Variants in LINGO2 observed in about 807,000 individuals in gnomAD.
LINGO2 encodes the protein leucine rich repeat and Ig domain containing 2.
A neutral mutation model predicts 30.6 loss-of-function variants in LINGO2; 14 were observed. That is an observed-to-expected ratio of 0.46 (90% CI 0.30 to 0.72). The LOEUF is 0.72. LINGO2 is among the 30% of genes least tolerant of loss of function. LINGO2 has a pLI of 0.07. For missense variants in LINGO2, 729 were observed against 751.7 expected (o/e 0.97, Z 0.35); for synonymous variants, 317 against 288.5 (o/e 1.10, Z -1.00).
At chr9:28,993,288 C>T in the LINGO2 span, among the ~76,000 whole-genome samples, 1 of 152,110 alleles carries the variant, frequency 6.6e-6, no homozygotes, top group South Asian at 2.1e-4. Flanking sequence ...AATTCCTCGA[C>T]ACATACACCC....
At chr9:28,707,743 T>G in the LINGO2 span, among the ~76,000 whole-genome samples, 1 of 152,006 alleles carries the variant, frequency 6.6e-6, no homozygotes, top group African/African-American at 2.4e-5. Flanking sequence ...TAGGGGGCTG[T>G]ATCAGTATTT....
chr9:28,896,868 T>C, the LINGO2 span, among the ~76,000 whole-genome samples: 1 of 152,138 alleles, frequency 6.6e-6, no homozygotes, highest in African/African-American at 2.4e-5. Flanking sequence ...ACATATCATC[T>C]ATAGAAACAA....
At chr9:29,158,773 T>TGA in the LINGO2 span, among the ~76,000 whole-genome samples, 27 of 150,950 alleles carry the variant, frequency 1.8e-4, no homozygotes, top group Admixed American at 1.1e-3. Context: ...TGTGTGTGTA[T>TGA]GAGAGAGAGA....
Position 28,102,700 on chromosome 9 carries a change from A to C in LINGO2, c.-86-90295T>G, listed in dbSNP as rs1486888815. ...GATAAATTGGGCATCCCAAACCATA[A>C]AGAGCCATACGAGTTTGATCCCTTT... On this transcript the variant is annotated intron_variant, in intron 4 of 5. Transcript: ENST00000379992. Among the ~76,000 whole-genome samples the C allele has an allele frequency of 2.6e-5, 4 of 152,262 alleles. No individual in the cohort carries two copies. In the East Asian group the frequency reaches 7.7e-4, roughly 29 times the overall value.
At chr9:28,747,577 C>T in the LINGO2 span, among the ~76,000 whole-genome samples, 1 of 152,034 alleles carries the variant, frequency 6.6e-6, no homozygotes, top group African/African-American at 2.4e-5. Flanking sequence ...TACTGTGGAG[C>T]CGGAGCTCAA....
chr9:27,949,518 G>A (rs767866594), exon 6 of LINGO2: 8 of 1,614,070 alleles, frequency 5.0e-6, no homozygotes, highest in Admixed American at 1.7e-5. Flanking sequence ...GATGGTGTCT[G>A]GGCCAGCACA....
intron 1 of LINGO2, among the ~76,000 whole-genome samples, chr9:28,604,065 C>A (rs1170719965): frequency 6.6e-6 from 1 of 151,992 alleles, no homozygotes; most frequent in African/African-American, 2.4e-5. Flanking sequence ...CATGCAAATT[C>A]TCTATGGCCT....
chr9:29,161,026 T>C, the LINGO2 span, among the ~76,000 whole-genome samples: 71 of 147,928 alleles, frequency 4.8e-4, no homozygotes, highest in African/African-American at 1.8e-3. Context: ...ACCAGCTTTG[T>C]CTGTCTTACA....
the LINGO2 span, among the ~76,000 whole-genome samples, chr9:28,834,821 G>A: frequency 6.8e-4 from 104 of 151,886 alleles, no homozygotes; most frequent in Non-Finnish European, 1.2e-3. Context: ...GAAGAATTTT[G>A]TTCCAACATA....
chr9:29,017,834 G>A, the LINGO2 span, among the ~76,000 whole-genome samples: 105,805 of 151,552 alleles, frequency 0.7, 37,741 homozygotes, highest in Non-Finnish European at 0.76. Context: ...AGACTGACAC[G>A]GAGAATTGCA....
the LINGO2 span, among the ~76,000 whole-genome samples, chr9:28,710,103 A>T: frequency 1.3e-5 from 2 of 151,474 alleles, no homozygotes; most frequent in Non-Finnish European, 2.9e-5. Context: ...CAATACCAAC[A>T]TTATGATATT....
chr9:27,962,474 C>T (rs1231517518), intron 5 of LINGO2, among the ~76,000 whole-genome samples: 1 of 152,032 alleles, frequency 6.6e-6, no homozygotes, highest in African/African-American at 2.4e-5. Flanking sequence ...TGAAGGACTG[C>T]CAAAAAGAAG....
chr9:28,178,512 CATTAAT>C (rs1828810581), intron 4 of LINGO2, among the ~76,000 whole-genome samples: 1 of 151,954 alleles, frequency 6.6e-6, no homozygotes, highest in African/African-American at 2.4e-5. Context: ...ATGCTATAAG[CATTAAT>C]ATTCATTACA....
At position 28,015,041 on chromosome 9, in the gene LINGO2, A is replaced by G. The variant is rs147169173; in HGVS notation, c.-86-2636T>C. Among the ~76,000 whole-genome samples the G allele has an allele frequency of 3.8e-3, 582 of 152,306 alleles. 5 individuals are homozygous for G. The highest frequency in any genetic ancestry group is 0.014 in the African/African-American group (562 of 41,580). On this transcript the variant is annotated intron_variant, in intron 4 of 5. Transcript: ENST00000379992. ...AATAATTTTTAGTGGGTAGAGTTAT[A>G]TATCACATATAGCAAAGTTGTGTCT... is the stretch of plus-strand genomic sequence containing the variant.
chr9:27,948,730 C>T (rs1823467880), exon 6 of LINGO2: 1 of 1,183,022 alleles, frequency 8.5e-7, no homozygotes, highest in Admixed American at 2.3e-5. Flanking sequence ...CTTCCATAGA[C>T]CCTGCTTTTG....
At chr9:29,048,215 A>C in the LINGO2 span, among the ~76,000 whole-genome samples, 2 of 152,038 alleles carry the variant, frequency 1.3e-5, no homozygotes, top group Non-Finnish European at 2.9e-5. Flanking sequence ...AATTCCATTT[A>C]CAATAGCCAC....
intron 4 of LINGO2, among the ~76,000 whole-genome samples, chr9:28,028,587 C>A (rs531664441): frequency 6.6e-6 from 1 of 152,006 alleles, no homozygotes; most frequent in South Asian, 2.1e-4. Context: ...TCCAGGACCC[C>A]CATAGATACC....
chr9:29,046,359 T>C, the LINGO2 span, among the ~76,000 whole-genome samples: 3 of 152,034 alleles, frequency 2.0e-5, no homozygotes, highest in African/African-American at 2.4e-5. Context: ...CTACTATATG[T>C]CTACAGTAAC....
the LINGO2 span, among the ~76,000 whole-genome samples, chr9:29,086,816 C>G: frequency 6.6e-6 from 1 of 151,878 alleles, no homozygotes; most frequent in Non-Finnish European, 1.5e-5. Context: ...TCATATACCA[C>G]AGTTACTACT....
Sources: allele counts gnomAD v4.1 joint callset (sites outside exome capture counted in the v4.1 genomes callset), GRCh38; gene constraint gnomAD v4.1.1; transcripts MANE v1.5; gene names NCBI Gene and HGNC (gene_info 2026-07-23, HGNC 2026-07-21).